SPATA16: variants seen among roughly 807,000 people sequenced by gnomAD.
SPATA16 encodes the protein spermatogenesis associated 16.
A neutral mutation model predicts 63.3 loss-of-function variants in SPATA16; 36 were observed. That is an observed-to-expected ratio of 0.57 (90% CI 0.44 to 0.75). SPATA16 has a LOEUF of 0.75. Ranked by LOEUF, SPATA16 falls within the 30% of genes least tolerant of loss-of-function variation. SPATA16 has a pLI of 0.00. For synonymous variants in SPATA16, 203 were observed against 216.7 expected (o/e 0.94, Z 0.56); for missense variants, 646 against 679.3 (o/e 0.95, Z 0.54).
intron 6 of SPATA16, among the ~76,000 whole-genome samples, chr3:172,934,182 A>G (rs1732931694): frequency 6.6e-6 from 1 of 152,176 alleles, no homozygotes; most frequent in Admixed American, 6.5e-5. Context: ...ACTTGTGGGT[A>G]GTTAATTTAA....
intron 2 of SPATA16, among the ~76,000 whole-genome samples, chr3:173,078,261 C>T (rs1042842976): frequency 6.6e-6 from 1 of 152,096 alleles, no homozygotes; most frequent in African/African-American, 2.4e-5. Context: ...TTAACCACTG[C>T]ATTCTTAAAT....
intron 3 of SPATA16, among the ~76,000 whole-genome samples, chr3:173,028,580 A>G (rs1369659786): frequency 6.6e-6 from 1 of 151,868 alleles, no homozygotes; most frequent in African/African-American, 2.4e-5. Context: ...AATAATATGG[A>G]CTGTTTAAAA....
In SPATA16 at chr3:173,130,337, C is replaced by T. The variant is rs1394525940; in HGVS notation, c.-19+10766G>A. Among the ~76,000 whole-genome samples, 9 of 120,958 alleles carry T rather than the reference C, an allele frequency of 7.4e-5. No homozygotes were observed. In the South Asian group the frequency reaches 1.3e-3, roughly 18 times the overall value. The allele number at this position is 120,958 out of a possible 152,430, so 79.4% of individuals were successfully genotyped here. A position where few individuals can be genotyped will look rare whatever the true frequency, so the allele number is the denominator to read the frequency against. ...ATTGTGCCACTGCACTCCAGCCTGG[C>T]GACAGAGTGAGACTTCGTCTCAAAA... On this transcript the variant is annotated intron_variant, in intron 1 of 10. Coordinates refer to ENST00000351008, the MANE Select transcript of SPATA16 (RefSeq NM_031955.6).
chr3:173,117,048 C>T lies in SPATA16; in HGVS notation c.612+72G>A, dbSNP rs1043001529. 14 of 1,424,224 alleles carry T rather than the reference C, an allele frequency of 9.8e-6. No homozygotes were observed. The African/African-American group carries it at 1.8e-4, about 19-fold the overall frequency. 88.2% of individuals were successfully genotyped at this position (1,424,224 alleles called of 1,614,324 possible). A position where few individuals can be genotyped will look rare whatever the true frequency, so the allele number is the denominator to read the frequency against. On this transcript the variant is annotated intron_variant, in intron 2 of 10. Coordinates refer to ENST00000351008, the MANE Select transcript of SPATA16 (RefSeq NM_031955.6). The stretch of plus-strand genomic sequence containing the variant: ...ACTGCTTATTACAGTATGGCCAGAA[C>T]CCCTCAATGTAATTGCAACTTTCCA...
intron 9 of SPATA16, among the ~76,000 whole-genome samples, chr3:172,914,955 C>G (rs945448664): frequency 6.6e-6 from 1 of 151,506 alleles, no homozygotes; most frequent in Non-Finnish European, 1.5e-5. Flanking sequence ...TCATTTAAAT[C>G]TTGAATGTGC....
rs1251000000 is a variant in SPATA16, at chr3:172,976,988, G to T, written c.913C>A (p.Leu305Ile). 1 of 1,612,078 alleles carries T rather than the reference G, an allele frequency of 6.2e-7. No individual in the cohort carries two copies. Reference sequence around the variant, plus strand: ...TTTACCTGCCAATACAGTTTGATGAGCTTGCTTATGCTCTCTTCCCTTCCT... The same window carrying T: ...TTTACCTGCCAATACAGTTTGATGATCTTGCTTATGCTCTCTTCCCTTCCT... The part of the protein sequence containing the change: ...GGGREESISK[L>I]IKLYWQAMIE... Residue 305 changes from leucine (L) to isoleucine (I), a missense_variant, in exon 5 of 11, where the codon CTC becomes ATC. By Grantham distance (5) the Leu-to-Ile change is conservative. Transcript: ENST00000351008.
chr3:173,028,039 C>T (rs185049628), intron 3 of SPATA16, among the ~76,000 whole-genome samples: 2,112 of 107,626 alleles, frequency 0.02, 112 homozygotes, highest in African/African-American at 0.028. Context: ...TCCTTCCTTC[C>T]TTCCTTCCTT....
chr3:173,132,263 C>G (rs1738406294), intron 1 of SPATA16, among the ~76,000 whole-genome samples: 1 of 151,892 alleles, frequency 6.6e-6, no homozygotes, highest in Admixed American at 6.6e-5. Context: ...TAGAATATAT[C>G]TAAATTTAAG....
chr3:173,122,580 C>A (rs1274750555), intron 1 of SPATA16, among the ~76,000 whole-genome samples: 2 of 151,956 alleles, frequency 1.3e-5, no homozygotes, highest in Non-Finnish European at 1.5e-5. Context: ...GAAAAAAACA[C>A]CTTGCTTGTT....
At chr3:173,020,203 A>C (rs1461632811) in intron 3 of SPATA16, among the ~76,000 whole-genome samples, 1 of 151,900 alleles carries the variant, frequency 6.6e-6, no homozygotes, top group South Asian at 2.1e-4. Flanking sequence ...AGGCTGAAGC[A>C]GGAGAATTGC....
At chr3:172,909,400 C>G (rs931598569) in intron 10 of SPATA16, among the ~76,000 whole-genome samples, 1 of 152,178 alleles carries the variant, frequency 6.6e-6, no homozygotes, top group African/African-American at 2.4e-5. Flanking sequence ...AAGTTCTAGG[C>G]TTACCCTTTA....
At chr3:172,985,827 A>T (rs1734441775) in intron 4 of SPATA16, among the ~76,000 whole-genome samples, 1 of 152,266 alleles carries the variant, frequency 6.6e-6, no homozygotes, top group Non-Finnish European at 1.5e-5. Context: ...AAGGGGGGAA[A>T]CGCTAGAAAA....
rs1238091845 is a variant in SPATA16 at position 173,134,166 on chromosome 3, A to G, written c.-19+6937T>C. ...ATAAAAAGTCCAGTAGTAGACCTAC[A>G]TATAAATGTTCATTTAATTTATGAC... is the stretch of plus-strand genomic sequence containing the variant. On this transcript the variant is annotated intron_variant, in intron 1 of 10. Coordinates refer to ENST00000351008, the MANE Select transcript of SPATA16 (RefSeq NM_031955.6). 3.9e-5 allele frequency among the ~76,000 whole-genome samples: 6 copies of G among 152,234 alleles called. No homozygotes were observed. The East Asian group carries it at 1.2e-3, about 29-fold the overall frequency.
chr3:173,051,030 CA>C (rs1003667131), intron 2 of SPATA16, among the ~76,000 whole-genome samples: 2 of 152,148 alleles, frequency 1.3e-5, no homozygotes, highest in African/African-American at 4.8e-5. Flanking sequence ...TTTCTTCTGC[CA>C]ATCTGATCCC....
At chr3:172,972,084 G>T (rs1734059385) in intron 5 of SPATA16, among the ~76,000 whole-genome samples, 1 of 152,148 alleles carries the variant, frequency 6.6e-6, no homozygotes, top group African/African-American at 2.4e-5. Flanking sequence ...ACACCAAAGA[G>T]ATATTTCTTT....
intron 7 of SPATA16, 93 bp downstream of exon 7, chr3:172,925,253 T>C: frequency 1.5e-6 from 2 of 1,373,084 alleles, no homozygotes; most frequent in Non-Finnish European, 2.0e-6. Context: ...CAAAGAAGAT[T>C]AGAAGGAGTT....
chr3:173,072,049 A>G (rs1308113965), intron 2 of SPATA16, among the ~76,000 whole-genome samples: 1 of 152,222 alleles, frequency 6.6e-6, no homozygotes. Flanking sequence ...TTGACCCAGC[A>G]ATCCCATTAC....
intron 2 of SPATA16, among the ~76,000 whole-genome samples, chr3:173,061,355 A>G (rs1560110246): frequency 6.6e-6 from 1 of 152,218 alleles, no homozygotes; most frequent in Non-Finnish European, 1.5e-5. Flanking sequence ...TGGGCATGCA[A>G]TGGATATAGG....
At chr3:172,892,973 A>G (rs1731925210) in intron 10 of SPATA16, among the ~76,000 whole-genome samples, 1 of 152,182 alleles carries the variant, frequency 6.6e-6, no homozygotes, top group South Asian at 2.1e-4. Context: ...AGAGAATTTT[A>G]GGATGTCTGA....
Sources: gnomAD v4.1 joint callset for allele counts (sites outside exome capture counted in the v4.1 genomes callset) on GRCh38, gnomAD v4.1.1 for gene constraint, MANE v1.5 for transcripts, NCBI Gene and HGNC (gene_info 2026-07-23, HGNC 2026-07-21) for gene names.